Variants in TASOR2 observed in about 807,000 individuals in gnomAD.
The protein encoded by TASOR2 is protein TASOR 2.
A neutral mutation model predicts 199.5 loss-of-function variants in TASOR2; 84 were observed. That is an observed-to-expected ratio of 0.42 (90% CI 0.35 to 0.50). The LOEUF (loss-of-function observed/expected upper bound fraction) is 0.50. Ranked by LOEUF, TASOR2 falls within the 20% of genes least tolerant of loss-of-function variation. The pLI, the probability that TASOR2 is intolerant of heterozygous loss-of-function variation, is 0.02. For synonymous variants in TASOR2, 1,103 were observed against 1,046.6 expected, an observed-to-expected ratio of 1.05 and a Z score of -1.04; for missense variants, 2,796 against 2,835.9, an observed-to-expected ratio of 0.99 and a Z score of 0.32.
At chr10:5,684,976 G>A (rs1314976349) in exon 1 of TASOR2, 3 of 397,634 alleles carry the variant, frequency 7.5e-6, no homozygotes, top group Non-Finnish European at 8.9e-6. Flanking sequence ...CAGCGCCCGC[G>A]GCGAGGACCC....
chr10:5,741,872 A>G (rs1181698870), intron 13 of TASOR2, among the ~76,000 whole-genome samples: 1 of 152,216 alleles, frequency 6.6e-6, no homozygotes, highest in African/African-American at 2.4e-5. Flanking sequence ...AAAGAAGGCA[A>G]TTACATGTTC....
intron 1 of TASOR2, among the ~76,000 whole-genome samples, chr10:5,703,775 T>C (rs1469729650): frequency 6.6e-6 from 1 of 152,162 alleles, no homozygotes; most frequent in African/African-American, 2.4e-5. Context: ...AGTGCGGGAT[T>C]ACAGGCGTGA....
At chr10:5,762,176 T>C (rs1340066247) in intron 19 of TASOR2, among the ~76,000 whole-genome samples, 2 of 150,488 alleles carry the variant, frequency 1.3e-5, no homozygotes, top group East Asian at 2.0e-4. Flanking sequence ...GGCAGAAGGA[T>C]TGCTCGAGGC....
At chr10:5,711,947 A>G (rs1295482311) in intron 1 of TASOR2, among the ~76,000 whole-genome samples, 1 of 152,034 alleles carries the variant, frequency 6.6e-6, no homozygotes, top group Non-Finnish European at 1.5e-5. Flanking sequence ...TGACTTAGGG[A>G]TTTAATGAAA....
At chr10:5,688,040 A>G (rs1835984948) in intron 1 of TASOR2, among the ~76,000 whole-genome samples, 1 of 152,208 alleles carries the variant, frequency 6.6e-6, no homozygotes, top group Non-Finnish European at 1.5e-5. Flanking sequence ...GTCTCCTTTA[A>G]TGACTAGAGT....
At chr10:5,735,334 A>T (rs745781038) in exon 12 of TASOR2, 2 of 1,614,130 alleles carry the variant, frequency 1.2e-6, no homozygotes, top group East Asian at 4.5e-5. Flanking sequence ...CAGTTTGTAC[A>T]GAAAACCAAA....
At chr10:5,688,108 A>G (rs1380420336) in intron 1 of TASOR2, among the ~76,000 whole-genome samples, 1 of 152,214 alleles carries the variant, frequency 6.6e-6, no homozygotes, top group Non-Finnish European at 1.5e-5. Flanking sequence ...AAGTGCATGA[A>G]GAAAATCCAG....
Position 5,742,609 on chromosome 10 carries a change from G to T in TASOR2, c.2757+83G>T. ...ATATGTAAAATCACATTCAAAACAA[G>T]GCATTTTTAAATTTTAGGACAGTGA... On this transcript the variant is annotated intron_variant, in intron 14 of 20. Coordinates refer to ENST00000328090, the Ensembl canonical transcript of TASOR2. The surrounding 1 kb of genome is among the most constrained non-coding windows in gnomAD (Gnocchi z 4.2). 7.4e-7 allele frequency: 1 copy of T among 1,345,598 alleles called. No individual in the cohort carries two copies. Among genetic ancestry groups the T allele is most frequent in the East Asian group, 2.4e-5 (1 of 42,244 alleles). The allele number at this position is 1,345,598 out of a possible 1,614,324, so 83.4% of individuals were successfully genotyped here.
exon 1 of TASOR2, chr10:5,684,860 C>A (rs887269400): frequency 2.5e-6 from 1 of 394,518 alleles, no homozygotes; most frequent in South Asian, 1.3e-4. Flanking sequence ...TAGCGCCGGT[C>A]AGAGAGAAAG....
intron 10 of TASOR2, among the ~76,000 whole-genome samples, chr10:5,727,628 T>C (rs1834215619): frequency 6.6e-6 from 1 of 151,792 alleles, no homozygotes; most frequent in Non-Finnish European, 1.5e-5. Flanking sequence ...ATTTTGGAGG[T>C]CAATATGGGG....
At position 5,762,197 on chromosome 10, in the gene TASOR2, C is replaced by T. The variant is rs934159854; in HGVS notation, c.7175-335C>T. 6.7e-5 allele frequency among the ~76,000 whole-genome samples: 8 copies of T among 119,420 alleles called. No individual in the cohort carries two copies. The South Asian group carries it at 9.4e-4, about 14-fold the overall frequency. 78.3% of individuals were successfully genotyped at this position (119,420 alleles called of 152,430 possible). A position where few individuals can be genotyped will look rare whatever the true frequency, so the allele number is the denominator to read the frequency against. ...AGGATTGCTCGAGGCTGCAGTGAGCCGTCATCACACCACTGCACTGTAACC... is the reference window on the plus strand; with the variant it reads ...AGGATTGCTCGAGGCTGCAGTGAGCTGTCATCACACCACTGCACTGTAACC... On this transcript the variant is annotated intron_variant, in intron 19 of 20. Coordinates refer to ENST00000328090, the Ensembl canonical transcript of TASOR2.
intron 6 of TASOR2, among the ~76,000 whole-genome samples, chr10:5,721,831 T>C: frequency 6.6e-6 from 1 of 152,160 alleles, no homozygotes; most frequent in East Asian, 1.9e-4. Flanking sequence ...ACCAGTGGAG[T>C]AAACTGGCAG....
Position 5,689,228 on chromosome 10 carries a change from A to G in TASOR2, c.-288+4053A>G, listed in dbSNP as rs1400249414. 1.3e-5 allele frequency among the ~76,000 whole-genome samples: 2 copies of G among 152,146 alleles called. No individual in the cohort carries two copies. Among genetic ancestry groups the G allele is most frequent in the African/African-American group, 2.4e-5 (1 of 41,416 alleles). ...TGAAAAGTCACCTATCAGTCTATCA[A>G]TTCATTTTGTTCTGACTGTTTTTTG... On this transcript the variant is annotated intron_variant, in intron 1 of 20. Coordinates refer to ENST00000328090, the Ensembl canonical transcript of TASOR2. The surrounding 1 kb of genome is among the most constrained non-coding windows in gnomAD (Gnocchi z 4.1).
chr10:5,749,688 A>G (rs1200195714), exon 15 of TASOR2: 2 of 1,614,252 alleles, frequency 1.2e-6, no homozygotes, highest in Admixed American at 3.3e-5. Context: ...ACACTGTTTC[A>G]TTCCACCTCA....
Position 5,689,312 on chromosome 10 carries a change from T to C in TASOR2, c.-288+4137T>C, listed in dbSNP as rs1350282152. ...TTTTTGCTGCTTTGCTGTTAACTTG[T>C]ATGTATTGGCCGGGTGCGGTGGCTC... On this transcript the variant is annotated intron_variant, in intron 1 of 20. Transcript: ENST00000328090. This position sits in a 1 kb window ranked among gnomAD's most constrained non-coding sequence, Gnocchi z 4.1. Among the ~76,000 whole-genome samples the C allele has an allele frequency of 6.6e-6, 1 of 152,166 alleles. No individual in the cohort carries two copies. Among genetic ancestry groups the C allele is most frequent in the Non-Finnish European group, 1.5e-5 (1 of 68,020 alleles).
chr10:5,755,011 A>G (rs944532293), intron 15 of TASOR2, among the ~76,000 whole-genome samples: 4 of 138,486 alleles, frequency 2.9e-5, no homozygotes, highest in African/African-American at 1.1e-4. Flanking sequence ...GCGCCACTGC[A>G]CTCCAGCCTG....
intron 1 of TASOR2, among the ~76,000 whole-genome samples, chr10:5,709,976 G>A (rs575434904): frequency 2.0e-5 from 3 of 152,128 alleles, no homozygotes; most frequent in South Asian, 4.2e-4. Context: ...AAGTTTTACC[G>A]TCTTAGATTT....
At chr10:5,757,847 T>C (rs899343426) in intron 17 of TASOR2, among the ~76,000 whole-genome samples, 174 bp downstream of exon 18, 15 of 152,136 alleles carry the variant, frequency 9.9e-5, no homozygotes, top group African/African-American at 3.4e-4. Flanking sequence ...GATTCTCTTA[T>C]AGCAATGCTT....
At chr10:5,761,673 G>A in intron 19 of TASOR2, 1 of 569,678 alleles carries the variant, frequency 1.8e-6, no homozygotes, top group South Asian at 2.2e-5. Flanking sequence ...TCCTATGTAT[G>A]TAAGTCAGTT....
Sources: gnomAD v4.1 joint callset for allele counts (sites outside exome capture counted in the v4.1 genomes callset) on GRCh38, gnomAD v4.1.1 for gene constraint, Gnocchi (gnomAD v3.1) non-coding constraint, MANE v1.5 for transcripts, NCBI Gene and HGNC (gene_info 2026-07-23, HGNC 2026-07-21) for gene names.